PAK2: variants seen among roughly 807,000 people sequenced by gnomAD.
PAK2 encodes serine/threonine-protein kinase PAK 2.
In PAK2, 21 loss-of-function variants were observed where a neutral mutation model predicts 65.9. The observed-to-expected ratio is 0.32, with a 90% CI of 0.23 to 0.46. The LOEUF (loss-of-function observed/expected upper bound fraction) is 0.46. Among genes scored for constraint, PAK2 ranks in the 20% least tolerant of loss-of-function variants. PAK2 has a pLI of 1.00. For missense variants in PAK2, 324 were observed against 642.6 expected (o/e 0.50, Z 5.36); for synonymous variants, 204 against 219.7 (o/e 0.93, Z 0.63).
chr3:196,752,911 G>C (rs1486085675), intron 1 of PAK2, among the ~76,000 whole-genome samples: 1 of 151,830 alleles, frequency 6.6e-6, no homozygotes, highest in Non-Finnish European at 1.5e-5. Context: ...TTGAGACAAG[G>C]TCTCGCTCTT....
chr3:196,756,251 A>G (rs994287535), intron 1 of PAK2, among the ~76,000 whole-genome samples: 1 of 152,156 alleles, frequency 6.6e-6, no homozygotes, highest in African/African-American at 2.4e-5. Context: ...TCACATTTGA[A>G]TTACAAAATG....
intron 2 of PAK2, among the ~76,000 whole-genome samples, chr3:196,787,371 G>A (rs1714924069): frequency 1.3e-5 from 2 of 152,094 alleles, no homozygotes; most frequent in South Asian, 4.2e-4. Context: ...ACGAGGTCAG[G>A]AGAGCGAGAC....
intron 10 of PAK2, 73 bp downstream of exon 10, chr3:196,812,924 C>T: frequency 1.5e-6 from 1 of 680,140 alleles, no homozygotes; most frequent in Non-Finnish European, 2.6e-6. Flanking sequence ...GGGGGTGGGG[C>T]TGGCCACTTT....
chr3:196,805,922 T>C (rs544194969), intron 5 of PAK2, among the ~76,000 whole-genome samples: 1 of 149,786 alleles, frequency 6.7e-6, no homozygotes, highest in Non-Finnish European at 1.5e-5. Context: ...TTTATTTTTA[T>C]TTTTTTTGAG....
At chr3:196,824,498 A>G (rs1711763308) in intron 13 of PAK2, among the ~76,000 whole-genome samples, 1 of 152,236 alleles carries the variant, frequency 6.6e-6, no homozygotes, top group African/African-American at 2.4e-5. Flanking sequence ...GCTTAGTGAA[A>G]GAATCCAGTC....
intron 2 of PAK2, among the ~76,000 whole-genome samples, chr3:196,792,816 TACAC>T (rs35943082): frequency 1.2e-4 from 18 of 151,484 alleles, no homozygotes; most frequent in South Asian, 2.1e-4. Context: ...TATATATATA[TACAC>T]ACACACACAC....
intron 13 of PAK2, among the ~76,000 whole-genome samples, chr3:196,826,265 G>A (rs557122281): frequency 1.8e-4 from 27 of 151,490 alleles, no homozygotes; most frequent in Non-Finnish European, 3.1e-4. Flanking sequence ...TCTGCCTCCC[G>A]GGTTCACGTC....
chr3:196,792,815 A>G (rs894343690), intron 2 of PAK2, among the ~76,000 whole-genome samples: 4 of 150,526 alleles, frequency 2.7e-5, no homozygotes, highest in African/African-American at 9.9e-5. Context: ...ATATATATAT[A>G]TACACACACA....
chr3:196,812,158 G>C (rs1715849567), intron 8 of PAK2, 61 bp from the exon 9 acceptor site: 1 of 900,978 alleles, frequency 1.1e-6, no homozygotes, highest in African/African-American at 1.6e-5. Flanking sequence ...AAAGTCTTTG[G>C]ATATTGCAAA....
rs1344071379 is a variant in PAK2 at position 196,829,911 on chromosome 3, TTTCTC to T, written c.*1514_*1518del. On this transcript the variant is annotated 3_prime_UTR_variant, in exon 15 of 15. Coordinates refer to ENST00000327134, the MANE Select transcript of PAK2 (RefSeq NM_002577.4). ...CCCTCCCTTCTCCCCTCCCCTCCCT[TTTCTC>T]TTCTCTTTTTTCCTCTCCTCTTCTT... 1.3e-5 allele frequency: 2 copies of T among 151,058 alleles called. No homozygotes were observed. Among genetic ancestry groups the T allele is most frequent in the African/African-American group, 2.4e-5 (1 of 41,214 alleles). The allele number at this position is 151,058 out of a possible 1,614,324, so 9.4% of individuals were successfully genotyped here.
intron 1 of PAK2, among the ~76,000 whole-genome samples, chr3:196,755,763 CT>C (rs145181977): frequency 5.8e-4 from 86 of 147,022 alleles, no homozygotes; most frequent in African/African-American, 1.2e-3. Context: ...CAGACTTCTT[CT>C]TTTTTTTTTT....
rs1176851991 is a variant in PAK2 at position 196,818,101 on chromosome 3, C to T, written c.1098C>T (p.His366=). The T allele has an allele frequency of 5.2e-6, 8 of 1,540,622 alleles. No individual in the cohort carries two copies. Among genetic ancestry groups the T allele is most frequent in the East Asian group, 2.2e-5 (1 of 44,556 alleles). The change falls in exon 12 of 15, where the codon CAC becomes CAT. Residue 366 remains histidine (H), a synonymous_variant. Transcript: ENST00000327134. ...TTTTACATGCTAATCAAGTGATCCA[C>T]AGAGACATCAAAAGTGACAATGTAC... ...LEFLHANQVI[H]RDIKSDNVLL... is the part of the protein sequence containing the mutation.
At chr3:196,751,681 A>ATATATATG (rs1203299617) in intron 1 of PAK2, among the ~76,000 whole-genome samples, 1 of 65,564 alleles carries the variant, frequency 1.5e-5, no homozygotes, top group Non-Finnish European at 3.1e-5. Flanking sequence ...ATACATATAT[A>ATATATATG]TATATATATA....
At chr3:196,754,777 T>C (rs1713715741) in intron 1 of PAK2, among the ~76,000 whole-genome samples, 1 of 152,214 alleles carries the variant, frequency 6.6e-6, no homozygotes, top group Non-Finnish European at 1.5e-5. Flanking sequence ...GTTTGCTTTC[T>C]GGAATTTGCG....
intron 2 of PAK2, among the ~76,000 whole-genome samples, chr3:196,790,955 G>A (rs1230185113): frequency 2.0e-5 from 3 of 152,100 alleles, no homozygotes; most frequent in Non-Finnish European, 4.4e-5. Context: ...TGTACCTTAA[G>A]CTCTCTGGCT....
intron 11 of PAK2, among the ~76,000 whole-genome samples, chr3:196,815,443 A>G (rs188084067): frequency 5.7e-4 from 84 of 148,374 alleles, no homozygotes; most frequent in African/African-American, 1.2e-3. Flanking sequence ...AGTGAGCCAA[A>G]ATTGCGCCAC....
At chr3:196,757,540 T>G (rs1713810515) in intron 1 of PAK2, among the ~76,000 whole-genome samples, 1 of 152,160 alleles carries the variant, frequency 6.6e-6, no homozygotes, top group African/African-American at 2.4e-5. Context: ...TTATTCTGGT[T>G]TGAGGTTTTT....
Position 196,811,323 on chromosome 3 carries a change from C to CT in PAK2, c.773+672dup, listed in dbSNP as rs774144050. On this transcript the variant is annotated intron_variant, in intron 8 of 14. Coordinates refer to ENST00000327134, the MANE Select transcript of PAK2 (RefSeq NM_002577.4). ...TCCCTTCCTTCCCTTCCTTTCCTTC[C>CT]TTCCCTTCCCTCCCTTCCCTCCCTT... is the stretch of plus-strand genomic sequence containing the variant. 5.9e-3 allele frequency among the ~76,000 whole-genome samples: 397 copies of CT among 66,896 alleles called. 12 individuals carry two copies. Among genetic ancestry groups the CT allele is most frequent in the South Asian group, 0.01 (18 of 1,762 alleles). The allele number at this position is 66,896 out of a possible 152,430, so 43.9% of individuals were successfully genotyped here. A position where few individuals can be genotyped will look rare whatever the true frequency, so the allele number is the denominator to read the frequency against.
chr3:196,743,513 C>G (rs923876720), intron 1 of PAK2, among the ~76,000 whole-genome samples: 55 of 152,270 alleles, frequency 3.6e-4, no homozygotes, highest in African/African-American at 1.3e-3. Context: ...ATAGTCTGTT[C>G]TTACATGCTG....
Sources: allele counts gnomAD v4.1 joint callset (sites outside exome capture counted in the v4.1 genomes callset), GRCh38; gene constraint gnomAD v4.1.1; transcripts MANE v1.5; gene names NCBI Gene and HGNC (gene_info 2026-07-23, HGNC 2026-07-21).